ZBTB7C: variants seen among roughly 807,000 people sequenced by gnomAD.
ZBTB7C encodes the protein zinc finger and BTB domain-containing protein 7C.
In ZBTB7C, 8 loss-of-function variants were observed where a neutral mutation model predicts 25.7. The ratio of observed to expected loss-of-function variants is 0.31; its 90% confidence interval spans 0.18 to 0.56. The LOEUF (loss-of-function observed/expected upper bound fraction) is 0.56. ZBTB7C is among the 20% of genes least tolerant of loss of function. The pLI, the probability that ZBTB7C is intolerant of heterozygous loss-of-function variation, is 0.91. For missense variants in ZBTB7C, 824 were observed against 855.2 expected (o/e 0.96, Z 0.46); for synonymous variants, 394 against 369.0 (o/e 1.07, Z -0.78).
rs527292405 is a variant in ZBTB7C at position 48,345,086 on chromosome 18, T to A, written c.-303-6688A>T. On this transcript the variant is annotated intron_variant, in intron 1 of 4. Transcript: ENST00000590800. ...CCCAAAAATAAAGCAACCCAGATTC[T>A]GTTTTTCCTCTAAGCCAAGGGTCCA... 5.3e-5 allele frequency among the ~76,000 whole-genome samples: 8 copies of A among 152,358 alleles called. No individual in the cohort carries two copies. The East Asian group carries it at 1.5e-3, about 29-fold the overall frequency.
intron 3 of ZBTB7C, among the ~76,000 whole-genome samples, chr18:48,124,014 T>C (rs1326551333): frequency 2.6e-5 from 4 of 152,182 alleles, no homozygotes; most frequent in Non-Finnish European, 5.9e-5. Context: ...CCAGGAAATA[T>C]GCCAATTAAG....
At chr18:48,233,506 C>A (rs1477888149) in intron 2 of ZBTB7C, among the ~76,000 whole-genome samples, 1 of 152,120 alleles carries the variant, frequency 6.6e-6, no homozygotes, top group Non-Finnish European at 1.5e-5. Flanking sequence ...AACAGGAAGA[C>A]CGGTGAGCTG....
intron 2 of ZBTB7C, among the ~76,000 whole-genome samples, chr18:48,336,767 C>T (rs1412685585): frequency 6.6e-6 from 1 of 152,162 alleles, no homozygotes; most frequent in Non-Finnish European, 1.5e-5. Flanking sequence ...TCTGCCCCTA[C>T]CCAGTCCCCC....
intron 2 of ZBTB7C, among the ~76,000 whole-genome samples, chr18:48,190,431 T>G (rs1333538390): frequency 6.6e-6 from 1 of 152,100 alleles, no homozygotes; most frequent in Non-Finnish European, 1.5e-5. Flanking sequence ...GCCTGCCAAC[T>G]CCGTGCAGGA....
In ZBTB7C at chr18:48,387,957, C is replaced by A. The variant is rs1367995021; in HGVS notation, c.-304+21269G>T. 2.6e-5 allele frequency among the ~76,000 whole-genome samples: 4 copies of A among 152,124 alleles called. No individual in the cohort carries two copies. The South Asian group carries it at 8.3e-4, about 32-fold the overall frequency. ...TTCTCCTGCCTCAGCCTCCAGAGTACCTTGGATTACAGACACCCACCACCA... is the reference window on the plus strand; with the variant it reads ...TTCTCCTGCCTCAGCCTCCAGAGTAACTTGGATTACAGACACCCACCACCA... On this transcript the variant is annotated intron_variant, in intron 1 of 4. Transcript: ENST00000590800.
intron 2 of ZBTB7C, among the ~76,000 whole-genome samples, chr18:48,237,626 T>C (rs2043415449): frequency 6.6e-6 from 1 of 152,004 alleles, no homozygotes; most frequent in Non-Finnish European, 1.5e-5. Flanking sequence ...CTTTGCTTCC[T>C]TGTGGGAGCA....
At chr18:48,066,350 T>TG (rs1193543498) in intron 3 of ZBTB7C, among the ~76,000 whole-genome samples, 6 of 152,118 alleles carry the variant, frequency 3.9e-5, no homozygotes, top group East Asian at 1.9e-4. Flanking sequence ...TGCCAAGCCC[T>TG]GGGGGGGCGG....
At chr18:48,410,995 CA>C, upstream of ZBTB7C, among the ~76,000 whole-genome samples, 1 of 152,312 alleles carries the variant, frequency 6.6e-6, no homozygotes, top group East Asian at 1.9e-4. Flanking sequence ...ACAGAATTCA[CA>C]AAAATAAGTT....
intron 1 of ZBTB7C, among the ~76,000 whole-genome samples, chr18:48,392,745 G>A (rs2047931039): frequency 6.6e-6 from 1 of 152,202 alleles, no homozygotes; most frequent in African/African-American, 2.4e-5. Flanking sequence ...CTGGAGCCGA[G>A]GGAGGGAAGT....
intron 3 of ZBTB7C, among the ~76,000 whole-genome samples, chr18:48,129,650 GC>G (rs1479674436): frequency 6.6e-6 from 1 of 152,192 alleles, no homozygotes; most frequent in Admixed American, 6.5e-5. Flanking sequence ...GTGTGCATTT[GC>G]CCGGAAGGGA....
intron 2 of ZBTB7C, among the ~76,000 whole-genome samples, chr18:48,337,566 C>T (rs2046484615): frequency 6.6e-6 from 1 of 152,220 alleles, no homozygotes. Flanking sequence ...CCCCTACTGT[C>T]CTCTCCAGAC....
intron 2 of ZBTB7C, among the ~76,000 whole-genome samples, chr18:48,224,522 C>T (rs2043041290): frequency 6.6e-6 from 1 of 152,134 alleles, no homozygotes; most frequent in South Asian, 2.1e-4. Flanking sequence ...GCCTGGGCTC[C>T]ACACACCATC....
At chr18:48,263,363 T>C (rs1165216346) in intron 2 of ZBTB7C, among the ~76,000 whole-genome samples, 4 of 152,346 alleles carry the variant, frequency 2.6e-5, no homozygotes, top group South Asian at 2.1e-4. Flanking sequence ...GCAGCCTCCT[T>C]GCAATCATCA....
At chr18:48,335,494 G>A (rs1321387404) in intron 2 of ZBTB7C, among the ~76,000 whole-genome samples, 1 of 152,190 alleles carries the variant, frequency 6.6e-6, no homozygotes, top group African/African-American at 2.4e-5. Context: ...GCTGGTTCCA[G>A]AGAACATAAG....
intron 2 of ZBTB7C, among the ~76,000 whole-genome samples, chr18:48,244,994 T>C (rs2043633447): frequency 1.3e-5 from 2 of 151,708 alleles, no homozygotes; most frequent in South Asian, 4.2e-4. Flanking sequence ...CACTTCTACA[T>C]GCATGTTTAT....
chr18:48,376,066 G>A (rs765284015), intron 1 of ZBTB7C, among the ~76,000 whole-genome samples: 39 of 152,214 alleles, frequency 2.6e-4, no homozygotes, highest in Non-Finnish European at 5.1e-4. Flanking sequence ...GGGTGGGACT[G>A]GGGAATTTGC....
chr18:48,376,832 A>C (rs1380502871), intron 1 of ZBTB7C, among the ~76,000 whole-genome samples: 1 of 152,090 alleles, frequency 6.6e-6, no homozygotes, highest in African/African-American at 2.4e-5. Context: ...GAGAGTAATG[A>C]CACCCTCCTC....
chr18:48,251,588 C>T (rs1260678090), intron 2 of ZBTB7C, among the ~76,000 whole-genome samples: 1 of 152,194 alleles, frequency 6.6e-6, no homozygotes, highest in Non-Finnish European at 1.5e-5. Flanking sequence ...CTACTTGGGG[C>T]TAGGCATGTT....
chr18:48,228,493 G>A (rs2043163024), intron 2 of ZBTB7C, among the ~76,000 whole-genome samples: 1 of 152,046 alleles, frequency 6.6e-6, no homozygotes, highest in African/African-American at 2.4e-5. Context: ...GGGCCTCTCT[G>A]TCTCTCACCC....
Sources: allele counts gnomAD v4.1 joint callset (sites outside exome capture counted in the v4.1 genomes callset), GRCh38; gene constraint gnomAD v4.1.1; transcripts MANE v1.5; gene names NCBI Gene and HGNC (gene_info 2026-07-23, HGNC 2026-07-21).